NF1: variants seen among roughly 807,000 people sequenced by gnomAD.
NF1 encodes neurofibromin.
In NF1, 122 loss-of-function variants were observed where a neutral mutation model predicts 325.7. That is an observed-to-expected ratio of 0.37 (90% CI 0.32 to 0.44). The LOEUF (loss-of-function observed/expected upper bound fraction) is 0.44, where lower values mean the gene tolerates loss of function less well. NF1 is among the 20% of genes least tolerant of loss of function. NF1 has a pLI of 1.00. For synonymous variants in NF1, 1,091 were observed against 1,186.0 expected, an observed-to-expected ratio of 0.92 and a Z score of 1.65; for missense variants, 2,140 against 3,415.4, an observed-to-expected ratio of 0.63 and a Z score of 9.31.
intron 36 of NF1, among the ~76,000 whole-genome samples, chr17:31,286,168 C>T (rs1445728485): frequency 1.3e-5 from 2 of 152,086 alleles, no homozygotes; most frequent in Non-Finnish European, 1.5e-5. Flanking sequence ...AATCTTGGCT[C>T]CCTGCAACCT....
At chr17:31,129,054 A>G (rs1179673815) in intron 1 of NF1, among the ~76,000 whole-genome samples, 1 of 151,994 alleles carries the variant, frequency 6.6e-6, no homozygotes, top group Non-Finnish European at 1.5e-5. Context: ...CTCTCTAGCC[A>G]CCTTTAACAT....
At chr17:31,239,555 G>GT (rs1265656704) in intron 29 of NF1, among the ~76,000 whole-genome samples, 1 of 149,880 alleles carries the variant, frequency 6.7e-6, no homozygotes, top group Admixed American at 6.6e-5. Context: ...CAAGATGGGG[G>GT]GAGGAATCAG....
At chr17:31,327,940 A>T (rs2069389842) in intron 38 of NF1, 101 bp downstream of exon 38, 2 of 1,146,564 alleles carry the variant, frequency 1.7e-6, no homozygotes, top group South Asian at 2.6e-5. Context: ...TAATATTGTA[A>T]ATTGGAAGGT....
At position 31,357,599 on chromosome 17, in the gene NF1, T is replaced by A. The variant is rs899661936; in HGVS notation, c.7970+230T>A. On this transcript the variant is annotated intron_variant, in intron 54 of 57. Transcript: ENST00000358273. ...AAATCTGGTTGATTTATTTAAGTGG[T>A]TTATTTTGATGATCATTGCTCATTT... The A allele has an allele frequency of 3.4e-5, 19 of 564,730 alleles. No individual in the cohort carries two copies. The African/African-American group carries it at 3.4e-4, about 10-fold the overall frequency. The allele number at this position is 564,730 out of a possible 1,614,324, so 35.0% of individuals were successfully genotyped here. A position where few individuals can be genotyped will look rare whatever the true frequency, so the allele number is the denominator to read the frequency against.
In NF1 at chr17:31,305,309, G is replaced by A. The variant is rs748756060; in HGVS notation, c.4836-20511G>A. On this transcript the variant is annotated intron_variant, in intron 36 of 57. Transcript: ENST00000358273. ...GGTTGTTTGGTGTTGTAGGCAAGTG[G>A]TTGTCCAGCAGAAGTATGTGCTTCT... is the stretch of plus-strand genomic sequence containing the variant. The A allele has an allele frequency of 1.2e-4, 197 of 1,614,032 alleles. No individual in the cohort carries two copies. The highest frequency in any genetic ancestry group is 1.4e-4 in the Non-Finnish European group (170 of 1,180,038).
At position 31,376,225 on chromosome 17, in the gene NF1, C is replaced by T. The variant is rs960302088; in HGVS notation, c.*2070C>T. On this transcript the variant is annotated 3_prime_UTR_variant, in exon 58 of 58. Transcript: ENST00000358273. ...GTGTAAGCCTTTGATAACTTTAGTT[C>T]GATGTTTTTCTTGTTTTTGTTTGTT... 2.1e-5 allele frequency: 5 copies of T among 232,698 alleles called. No individual in the cohort carries two copies. The highest frequency in any genetic ancestry group is 3.4e-5 in the Non-Finnish European group (4 of 117,850). The allele number at this position is 232,698 out of a possible 1,614,324, so 14.4% of individuals were successfully genotyped here. A position where few individuals can be genotyped will look rare whatever the true frequency, so the allele number is the denominator to read the frequency against.
intron 18 of NF1, 146 bp downstream of exon 18, chr17:31,226,830 G>C: frequency 8.9e-7 from 1 of 1,127,880 alleles, no homozygotes; most frequent in Non-Finnish European, 1.3e-6. Context: ...AACAAAGTAA[G>C]ATGAAAATAA....
intron 56 of NF1, chr17:31,360,102 G>T: frequency 4.3e-6 from 1 of 230,416 alleles, no homozygotes; most frequent in Non-Finnish European, 8.7e-6. Flanking sequence ...TGGATTGCCA[G>T]TAACCCTCTG....
chr17:31,146,421 A>G (rs1916592381), intron 1 of NF1, among the ~76,000 whole-genome samples: 1 of 142,450 alleles, frequency 7.0e-6, no homozygotes, highest in Non-Finnish European at 1.5e-5. Context: ...CCATCCATCC[A>G]TCCATCCATC....
At chr17:31,219,195 G>A in intron 14 of NF1, 77 bp downstream of exon 14, 2 of 1,477,964 alleles carry the variant, frequency 1.4e-6, no homozygotes, top group Admixed American at 1.9e-5. Context: ...TTTGGTGTGT[G>A]GTTTCTGTGA....
At chr17:31,174,359 T>A (rs1004950275) in intron 5 of NF1, among the ~76,000 whole-genome samples, 3 of 152,190 alleles carry the variant, frequency 2.0e-5, no homozygotes, top group Non-Finnish European at 2.9e-5. Context: ...GTATGCTGCT[T>A]GGTGATAGCA....
intron 36 of NF1, among the ~76,000 whole-genome samples, chr17:31,271,173 C>G (rs1369112727): frequency 6.6e-6 from 1 of 152,168 alleles, no homozygotes; most frequent in Non-Finnish European, 1.5e-5. Context: ...ACCTAACCAA[C>G]AGTTATGAGA....
In NF1 at chr17:31,249,021, A is replaced by G. The variant is rs864622202; in HGVS notation, c.4012A>G (p.Asn1338Asp). The part of the protein sequence containing the change: ...PSESLEENQR[N>D]LLQMTEKFFH... ...AGAGAGCCTTGAGGAAAACCAGCGG[A>G]ACCTCCTTCAGATGACTGAAAAGTT... The change falls in exon 30 of 58, where the codon AAC (asparagine) becomes GAC (aspartate). Residue 1338 changes from asparagine to aspartate, a missense_variant. By Grantham distance (23) the Asn-to-Asp change is conservative (BLOSUM62 1). Coordinates refer to ENST00000358273, the MANE Select transcript of NF1 (RefSeq NM_001042492.3). 1 of 1,614,132 alleles carries G rather than the reference A, an allele frequency of 6.2e-7. No homozygotes were observed. Among genetic ancestry groups the G allele is most frequent in the Admixed American group, 1.7e-5 (1 of 60,024 alleles).
Position 31,351,426 on chromosome 17 carries a change from A to G in NF1, c.7458-831A>G, listed in dbSNP as rs143768616. ...TATTTATTTTTATTTTTCTTTATTA[A>G]TTTTTTTTGAGACAGAGTCTTGCTC... On this transcript the variant is annotated intron_variant, in intron 50 of 57. Transcript: ENST00000358273. Among the ~76,000 whole-genome samples, 493 of 151,678 alleles carry G rather than the reference A, an allele frequency of 3.3e-3. 7 individuals are homozygous for G. Among genetic ancestry groups the G allele is most frequent in the African/African-American group, 0.011 (464 of 41,370 alleles).
chr17:31,222,936 G>A (rs1353043471), intron 15 of NF1, among the ~76,000 whole-genome samples: 3 of 152,150 alleles, frequency 2.0e-5, no homozygotes, highest in Non-Finnish European at 4.4e-5. Flanking sequence ...AGGGCTTGTG[G>A]GTCATATAGT....
intron 1 of NF1, among the ~76,000 whole-genome samples, chr17:31,146,409 GTCCATCCA>G (rs112178514): frequency 0.05 from 7,395 of 148,584 alleles, 271 homozygotes; most frequent in African/African-American, 0.095. Flanking sequence ...TAATCTGTCT[GTCCATCCA>G]TCCATCCATC....
intron 35 of NF1, among the ~76,000 whole-genome samples, chr17:31,262,322 T>C (rs2067700160): frequency 6.6e-6 from 1 of 152,206 alleles, no homozygotes; most frequent in Non-Finnish European, 1.5e-5. Context: ...TCAGAAAATA[T>C]AGTATACTTC....
At chr17:31,178,139 A>G (rs2066057953) in intron 5 of NF1, among the ~76,000 whole-genome samples, 1 of 152,204 alleles carries the variant, frequency 6.6e-6, no homozygotes, top group Admixed American at 6.5e-5. Context: ...TTACCCACAA[A>G]GGGAAGCCCA....
intron 29 of NF1, among the ~76,000 whole-genome samples, chr17:31,240,023 C>A (rs543529323): frequency 7.9e-4 from 121 of 152,338 alleles, no homozygotes; most frequent in Non-Finnish European, 9.4e-4. Context: ...CTTGGCCTCC[C>A]AAAGTGCTGT....
Sources: gnomAD v4.1 joint callset for allele counts (sites outside exome capture counted in the v4.1 genomes callset) on GRCh38, gnomAD v4.1.1 for gene constraint, MANE v1.5 for transcripts, NCBI Gene and HGNC (gene_info 2026-07-23, HGNC 2026-07-21) for gene names.